Variants in NPAS3 observed in about 807,000 individuals in gnomAD.
NPAS3 encodes neuronal PAS domain-containing protein 3.
A neutral mutation model predicts 73.1 loss-of-function variants in NPAS3; 14 were observed. The ratio of observed to expected loss-of-function variants is 0.19; its 90% CI spans 0.13 to 0.30. NPAS3 has a LOEUF of 0.30. NPAS3 is among the 10% of genes least tolerant of loss of function. The pLI, the probability that NPAS3 is intolerant of heterozygous loss-of-function variation, is 1.00. For missense variants in NPAS3, 1,096 were observed against 1,250.0 expected, an observed-to-expected ratio of 0.88 and a Z score of 1.86; for synonymous variants, 620 against 541.5, an observed-to-expected ratio of 1.14 and a Z score of -2.01.
chr14:33,219,811 C>A (rs1235153381), intron 3 of NPAS3, among the ~76,000 whole-genome samples: 2 of 152,010 alleles, frequency 1.3e-5, no homozygotes, highest in African/African-American at 4.8e-5. Context: ...ATATTGTCCC[C>A]CAAAATTAGA....
At chr14:33,263,141 A>C (rs2049034621) in intron 3 of NPAS3, among the ~76,000 whole-genome samples, 1 of 152,098 alleles carries the variant, frequency 6.6e-6, no homozygotes. Flanking sequence ...CCATTTGTCA[A>C]TTTTGGCTTT....
intron 4 of NPAS3, among the ~76,000 whole-genome samples, chr14:33,423,183 A>G (rs906684574): frequency 1.3e-5 from 2 of 152,060 alleles, no homozygotes; most frequent in African/African-American, 4.8e-5. Flanking sequence ...ACAAGTCTAG[A>G]ACTACAATTT....
chr14:33,449,788 A>C (rs1387645942), intron 4 of NPAS3, among the ~76,000 whole-genome samples: 2 of 152,160 alleles, frequency 1.3e-5, no homozygotes. Flanking sequence ...TAATCTTCCT[A>C]AGTGAAATCT....
intron 4 of NPAS3, among the ~76,000 whole-genome samples, chr14:33,545,667 T>C (rs1255337507): frequency 1.3e-5 from 2 of 152,200 alleles, no homozygotes; most frequent in Admixed American, 1.3e-4. Flanking sequence ...CTCTTTAGCA[T>C]CACTGAAGGA....
chr14:33,644,819 A>G (rs1448579220), intron 5 of NPAS3, among the ~76,000 whole-genome samples: 1 of 152,202 alleles, frequency 6.6e-6, no homozygotes, highest in Non-Finnish European at 1.5e-5. Flanking sequence ...GTGGTGGCTC[A>G]TGCCTGTAAT....
chr14:33,403,083 A>G (rs1231174848), intron 4 of NPAS3, among the ~76,000 whole-genome samples: 1 of 152,148 alleles, frequency 6.6e-6, no homozygotes, highest in Non-Finnish European at 1.5e-5. Context: ...ATCTATGAAC[A>G]ATAGAAAGTC....
chr14:33,529,435 G>A (rs1390020546), intron 4 of NPAS3, among the ~76,000 whole-genome samples: 1 of 152,050 alleles, frequency 6.6e-6, no homozygotes, highest in African/African-American at 2.4e-5. Flanking sequence ...TTGCAGGCTA[G>A]TCTGTATAGA....
chr14:33,387,453 G>T (rs532500584), intron 4 of NPAS3, among the ~76,000 whole-genome samples: 3 of 152,124 alleles, frequency 2.0e-5, no homozygotes, highest in Admixed American at 6.5e-5. Flanking sequence ...CATTTTTTTG[G>T]CCTAAATACC....
intron 2 of NPAS3, among the ~76,000 whole-genome samples, chr14:33,082,254 A>G (rs1393781662): frequency 6.6e-6 from 1 of 152,212 alleles, no homozygotes; most frequent in East Asian, 1.9e-4. Flanking sequence ...ATAGAAACAC[A>G]TAAGGCCTAG....
intron 1 of NPAS3, among the ~76,000 whole-genome samples, chr14:32,950,241 C>T (rs1256034274): frequency 6.6e-6 from 1 of 151,886 alleles, no homozygotes; most frequent in Admixed American, 6.6e-5. Context: ...AGAGTTTGCC[C>T]AAATTCATTA....
chr14:33,353,497 G>GC, intron 3 of NPAS3, among the ~76,000 whole-genome samples: 1 of 152,350 alleles, frequency 6.6e-6, no homozygotes, highest in East Asian at 1.9e-4. Context: ...AAAACTTGGA[G>GC]CCAATTGGAC....
rs1242762455 is a variant in NPAS3 at position 33,054,961 on chromosome 14, ATAAT to A, written c.51-940_51-937del. On this transcript the variant is annotated intron_variant, in intron 1 of 11. Transcript: ENST00000356141. ...ATGATCCATCACATGTTTTTAATTA[ATAAT>A]TAAGAAGATATTAAGTATCTACTGG... Among the ~76,000 whole-genome samples the A allele has an allele frequency of 4.6e-5, 7 of 152,098 alleles. No homozygotes were observed. In the East Asian group the frequency reaches 9.6e-4, roughly 21 times the overall value.
chr14:33,754,663 A>G (rs1293773237), intron 7 of NPAS3, among the ~76,000 whole-genome samples: 1 of 152,218 alleles, frequency 6.6e-6, no homozygotes, highest in Non-Finnish European at 1.5e-5. Flanking sequence ...AATCCATCTT[A>G]GAGAACAGCA....
intron 3 of NPAS3, among the ~76,000 whole-genome samples, chr14:33,322,187 T>C (rs1387683776): frequency 6.6e-6 from 1 of 152,194 alleles, no homozygotes; most frequent in African/African-American, 2.4e-5. Flanking sequence ...TGATGAAAAT[T>C]ACTGGCAGTG....
At chr14:33,259,517 ACATAAGCATAAATTATAAT>A (rs1466138291) in intron 3 of NPAS3, among the ~76,000 whole-genome samples, 1 of 152,252 alleles carries the variant, frequency 6.6e-6, no homozygotes, top group Non-Finnish European at 1.5e-5. Flanking sequence ...AATAAACAAA[ACATAAGCATAAATTATAAT>A]CGCACTCAAT....
At chr14:33,353,981 C>T (rs1231924590) in intron 3 of NPAS3, among the ~76,000 whole-genome samples, 2 of 152,096 alleles carry the variant, frequency 1.3e-5, no homozygotes, top group Admixed American at 1.3e-4. Context: ...TGGCTGGGCA[C>T]CACACCATGG....
intron 1 of NPAS3, among the ~76,000 whole-genome samples, chr14:32,991,732 A>G (rs564272641): frequency 4.7e-4 from 72 of 152,310 alleles, no homozygotes; most frequent in Non-Finnish European, 7.8e-4. Flanking sequence ...TGAAAATATC[A>G]TTCAGGGTTG....
At chr14:33,445,456 T>G (rs1036664118) in intron 4 of NPAS3, among the ~76,000 whole-genome samples, 2 of 152,258 alleles carry the variant, frequency 1.3e-5, no homozygotes, top group Non-Finnish European at 2.9e-5. Context: ...TGAAATATTT[T>G]TATATCTCAC....
chr14:33,556,657 C>G (rs777543522), intron 4 of NPAS3, among the ~76,000 whole-genome samples: 1 of 152,208 alleles, frequency 6.6e-6, no homozygotes, highest in African/African-American at 2.4e-5. Flanking sequence ...GCCATAAATG[C>G]TTTAATAATT....
Sources: allele counts gnomAD v4.1 joint callset (sites outside exome capture counted in the v4.1 genomes callset), GRCh38; gene constraint gnomAD v4.1.1; transcripts MANE v1.5; gene names NCBI Gene and HGNC (gene_info 2026-07-23, HGNC 2026-07-21).